Variants in ZNF385D observed in about 807,000 individuals in gnomAD.
ZNF385D encodes zinc finger protein 659.
Under a neutral mutation model 35.8 loss-of-function variants are expected in ZNF385D, and 15 were observed. The ratio of observed to expected loss-of-function variants is 0.42; its 90% CI spans 0.28 to 0.64. ZNF385D has a LOEUF of 0.64. ZNF385D is among the 30% of genes least tolerant of loss of function. The pLI is 0.23. For missense variants in ZNF385D, 474 were observed against 494.6 expected (o/e 0.96, Z 0.39); for synonymous variants, 212 against 186.8 (o/e 1.13, Z -1.10).
At chr3:22,372,066 C>A (rs1190436308) in intron 2 of ZNF385D, among the ~76,000 whole-genome samples, 1 of 152,124 alleles carries the variant, frequency 6.6e-6, no homozygotes, top group Non-Finnish European at 1.5e-5. Flanking sequence ...GACAGCAGGA[C>A]GTCCTTACCG....
chr3:21,632,108 G>A (rs7619318), intron 2 of ZNF385D, among the ~76,000 whole-genome samples: 113,311 of 152,028 alleles, frequency 0.75, 42,403 homozygotes, highest in Admixed American at 0.78. Context: ...TGAATAAAAC[G>A]TACTGTCACA....
chr3:22,328,460 C>A (rs1694775757), intron 2 of ZNF385D, among the ~76,000 whole-genome samples: 1 of 152,066 alleles, frequency 6.6e-6, no homozygotes, highest in Admixed American at 6.5e-5. Flanking sequence ...CCTAACTTTA[C>A]ATATTTTAAA....
At chr3:22,210,744 C>T (rs1283627866) in intron 2 of ZNF385D, among the ~76,000 whole-genome samples, 1 of 151,860 alleles carries the variant, frequency 6.6e-6, no homozygotes, top group Non-Finnish European at 1.5e-5. Context: ...TCCCTCTACA[C>T]CATTTACACT....
intron 2 of ZNF385D, among the ~76,000 whole-genome samples, chr3:22,198,056 T>C (rs1223935133): frequency 1.3e-5 from 2 of 152,100 alleles, no homozygotes; most frequent in Non-Finnish European, 2.9e-5. Context: ...TCATTAATTC[T>C]CATATACAAT....
chr3:22,187,139 T>G (rs1039178924), intron 2 of ZNF385D, among the ~76,000 whole-genome samples: 4 of 152,116 alleles, frequency 2.6e-5, no homozygotes, highest in Non-Finnish European at 4.4e-5. Context: ...ATGAACAAAT[T>G]CTTCAAAAAT....
intron 3 of ZNF385D, among the ~76,000 whole-genome samples, chr3:21,807,278 T>C (rs1013628086): frequency 6.6e-6 from 1 of 152,164 alleles, no homozygotes; most frequent in African/African-American, 2.4e-5. Flanking sequence ...CTAGAGCATA[T>C]CTCTATTTCA....
At chr3:21,711,088 A>T (rs59102783) in intron 1 of ZNF385D, among the ~76,000 whole-genome samples, 1 of 118,444 alleles carries the variant, frequency 8.4e-6, no homozygotes, top group African/African-American at 3.5e-5. Flanking sequence ...GTCGCCTAGG[A>T]TGGAGTGCAG....
chr3:21,926,163 C>T (rs1489295073), intron 3 of ZNF385D, among the ~76,000 whole-genome samples: 3 of 151,506 alleles, frequency 2.0e-5, no homozygotes, highest in African/African-American at 4.9e-5. Context: ...ACTTTAAGTT[C>T]TGGAGTACAT....
chr3:21,815,233 GA>G (rs1451440556), intron 3 of ZNF385D, among the ~76,000 whole-genome samples: 17 of 152,264 alleles, frequency 1.1e-4, no homozygotes, highest in African/African-American at 2.9e-4. Flanking sequence ...GAGAAAGCAG[GA>G]AAGATCTAAA....
intron 3 of ZNF385D, among the ~76,000 whole-genome samples, chr3:22,144,183 A>G (rs1171940613): frequency 3.3e-5 from 5 of 152,244 alleles, no homozygotes; most frequent in Non-Finnish European, 5.9e-5. Flanking sequence ...ATAATTTTAC[A>G]AAAAATAACT....
chr3:21,810,562 GTTTA>G (rs897907471), intron 3 of ZNF385D, among the ~76,000 whole-genome samples: 165 of 151,904 alleles, frequency 1.1e-3, no homozygotes, highest in African/African-American at 3.3e-3. Flanking sequence ...GTATGTATAT[GTTTA>G]TTTATTTTTA....
chr3:21,553,434 T>C (rs2062629827), intron 3 of ZNF385D, among the ~76,000 whole-genome samples: 1 of 152,316 alleles, frequency 6.6e-6, no homozygotes, highest in African/African-American at 2.4e-5. Context: ...AAATATGCTA[T>C]TGCTGAAAAA....
chr3:22,321,741 A>G (rs982475473), intron 2 of ZNF385D, among the ~76,000 whole-genome samples: 21 of 151,930 alleles, frequency 1.4e-4, no homozygotes, highest in African/African-American at 5.1e-4. Flanking sequence ...TTCAAATGCT[A>G]TTTCCTACTT....
chr3:21,660,627 C>T lies in ZNF385D; in HGVS notation c.165+4259G>A, dbSNP rs1024050464. Reference sequence around the variant, plus strand: ...AAAGAATAAAAGGGAAATGGTGAGACGCTAGGAGAAAACTGTCATAAAATG... The same window carrying T: ...AAAGAATAAAAGGGAAATGGTGAGATGCTAGGAGAAAACTGTCATAAAATG... On this transcript the variant is annotated intron_variant, in intron 2 of 7. Transcript: ENST00000281523. Among the ~76,000 whole-genome samples the T allele has an allele frequency of 4.6e-5, 7 of 152,090 alleles. No homozygotes were observed. The South Asian group carries it at 8.3e-4, about 18-fold the overall frequency.
chr3:21,896,468 C>G (rs568693539), intron 3 of ZNF385D, among the ~76,000 whole-genome samples: 1 of 152,232 alleles, frequency 6.6e-6, no homozygotes, highest in South Asian at 2.1e-4. Flanking sequence ...ATCAGATATA[C>G]CTATGGGGTA....
At chr3:21,913,849 C>T (rs2125916388) in intron 3 of ZNF385D, among the ~76,000 whole-genome samples, 1 of 152,188 alleles carries the variant, frequency 6.6e-6, no homozygotes, top group South Asian at 2.1e-4. Context: ...ATCCATCTGT[C>T]TAGATTTCCT....
chr3:22,364,297 G>A (rs985451047), intron 2 of ZNF385D, among the ~76,000 whole-genome samples: 2 of 151,908 alleles, frequency 1.3e-5, no homozygotes, highest in African/African-American at 2.4e-5. Context: ...GTGCAAAAAG[G>A]CCATATCAAC....
Position 22,214,581 on chromosome 3 carries a change from C to A in ZNF385D, c.107-45546G>T, listed in dbSNP as rs767250778. 3.9e-5 allele frequency among the ~76,000 whole-genome samples: 6 copies of A among 152,098 alleles called. No individual in the cohort carries two copies. The South Asian group carries it at 1.2e-3, about 32-fold the overall frequency. On this transcript the variant is annotated intron_variant, in intron 2 of 5. Transcript: ENST00000494108. ...AGGAACATTCCTGAGAAAGGGAATGCGTCCCTGAAGGTAGACCTCTAAAAT... is the reference window on the plus strand; with the variant it reads ...AGGAACATTCCTGAGAAAGGGAATGAGTCCCTGAAGGTAGACCTCTAAAAT...
rs1289154005 is a variant in ZNF385D at position 22,360,157 on chromosome 3, T to A, written c.106+12293A>T. ...GTTTAATTCTTACAACTTGTCTCAT[T>A]TTCTGAAAAATTTTAGGAACTAAGA... On this transcript the variant is annotated intron_variant, in intron 2 of 5. Coordinates refer to the ZNF385D transcript ENST00000494108. 1.2e-4 allele frequency among the ~76,000 whole-genome samples: 19 copies of A among 152,110 alleles called. 1 individual carries two copies. Among genetic ancestry groups the A allele is most frequent in the Non-Finnish European group, 4.4e-5 (3 of 67,892 alleles).
Sources: gnomAD v4.1 joint callset for allele counts (sites outside exome capture counted in the v4.1 genomes callset) on GRCh38, gnomAD v4.1.1 for gene constraint, MANE v1.5 for transcripts, NCBI Gene and HGNC (gene_info 2026-07-23, HGNC 2026-07-21) for gene names.